DPP10: variants seen among roughly 807,000 people sequenced by gnomAD.
DPP10 encodes inactive dipeptidyl peptidase 10.
In DPP10, 33 loss-of-function variants were observed where a neutral mutation model predicts 120.9. The ratio of observed to expected loss-of-function variants is 0.27; its 90% CI spans 0.21 to 0.37. The LOEUF is 0.37. DPP10 is among the 10% of genes least tolerant of loss of function. DPP10 has a pLI of 1.00. For synonymous variants in DPP10, 337 were observed against 326.1 expected (o/e 1.03, Z -0.36); for missense variants, 816 against 942.8 (o/e 0.87, Z 1.76).
rs564099284 is a variant in DPP10 at position 115,555,892 on chromosome 2, G to A, written c.441+29920G>A. 2.6e-5 allele frequency among the ~76,000 whole-genome samples: 4 copies of A among 152,100 alleles called. No homozygotes were observed. In the South Asian group the frequency reaches 8.3e-4, roughly 32 times the overall value. ...TTTGTCATGTATGTGTGGTGGAGGAGGTGCATAGAGGATATTTCTCTGTAA... is the reference window on the plus strand; with the variant it reads ...TTTGTCATGTATGTGTGGTGGAGGAAGTGCATAGAGGATATTTCTCTGTAA... On this transcript the variant is annotated intron_variant, in intron 5 of 25. Coordinates refer to ENST00000410059, the MANE Select transcript of DPP10 (RefSeq NM_020868.6).
intron 1 of DPP10, among the ~76,000 whole-genome samples, chr2:115,188,061 A>AAGAGAGAGAG (rs59672278): frequency 1.4e-5 from 2 of 146,980 alleles, no homozygotes; most frequent in Admixed American, 6.8e-5. Context: ...GAGAGAGGCA[A>AAGAGAGAGAG]AGAGAGAGAG....
intron 2 of DPP10, among the ~76,000 whole-genome samples, chr2:115,322,738 A>G (rs570598271): frequency 6.6e-6 from 1 of 152,336 alleles, no homozygotes; most frequent in African/African-American, 2.4e-5. Context: ...AACTATTCCA[A>G]TAAAGCAAAT....
intron 1 of DPP10, among the ~76,000 whole-genome samples, chr2:115,131,466 T>C (rs940998667): frequency 3.9e-5 from 6 of 152,082 alleles, no homozygotes; most frequent in Non-Finnish European, 7.4e-5. Flanking sequence ...TGAGCCCTGA[T>C]TGAGCCACTG....
At chr2:115,294,831 T>C (rs2060812795) in intron 1 of DPP10, among the ~76,000 whole-genome samples, 1 of 152,016 alleles carries the variant, frequency 6.6e-6, no homozygotes, top group Admixed American at 6.6e-5. Context: ...GCAATGATTT[T>C]ACAGGAGGGA....
intron 3 of DPP10, among the ~76,000 whole-genome samples, chr2:115,381,842 G>T (rs1165824835): frequency 6.6e-6 from 1 of 151,704 alleles, no homozygotes. Context: ...CCTGCTGGGG[G>T]GTGCCTCCCA....
intron 5 of DPP10, among the ~76,000 whole-genome samples, chr2:115,627,666 T>C (rs4302223): frequency 0.99 from 150,286 of 152,192 alleles, 74,235 homozygotes; most frequent in East Asian, 1. Flanking sequence ...GCTGTTTGTC[T>C]TAATGCTCTC....
At chr2:114,851,591 T>C (rs1688948491) in intron 1 of DPP10, among the ~76,000 whole-genome samples, 1 of 152,220 alleles carries the variant, frequency 6.6e-6, no homozygotes, top group Non-Finnish European at 1.5e-5. Flanking sequence ...TCTCAGTTTA[T>C]TGGCATAGAA....
chr2:115,079,098 C>T (rs1573529075), intron 1 of DPP10, among the ~76,000 whole-genome samples: 1 of 152,148 alleles, frequency 6.6e-6, no homozygotes, highest in African/African-American at 2.4e-5. Context: ...AAGAAATCCT[C>T]GGCCGGGCGC....
chr2:115,720,636 T>C (rs2092624994), intron 7 of DPP10, among the ~76,000 whole-genome samples: 1 of 152,114 alleles, frequency 6.6e-6, no homozygotes, highest in African/African-American at 2.4e-5. Flanking sequence ...AAATAAAATA[T>C]AGCATGTTGG....
chr2:115,437,329 G>C (rs1469082340), intron 3 of DPP10, among the ~76,000 whole-genome samples: 1 of 151,938 alleles, frequency 6.6e-6, no homozygotes, highest in Non-Finnish European at 1.5e-5. Flanking sequence ...TTCAGCATTA[G>C]AGAAGAAATA....
intron 1 of DPP10, among the ~76,000 whole-genome samples, chr2:115,218,139 G>A (rs2056939363): frequency 6.6e-6 from 1 of 152,138 alleles, no homozygotes; most frequent in Non-Finnish European, 1.5e-5. Context: ...TATATAGACT[G>A]TACATTCTCA....
intron 21 of DPP10, among the ~76,000 whole-genome samples, chr2:115,830,051 G>T (rs1347438941): frequency 6.6e-6 from 1 of 151,996 alleles, no homozygotes; most frequent in Non-Finnish European, 1.5e-5. Context: ...TATGGACATA[G>T]CTTCTTTAAA....
chr2:114,549,283 C>T (rs1412219926), intron 1 of DPP10, among the ~76,000 whole-genome samples: 1 of 151,998 alleles, frequency 6.6e-6, no homozygotes, highest in Non-Finnish European at 1.5e-5. Flanking sequence ...ATTCACCACT[C>T]TCAACCCCGT....
chr2:115,273,701 A>T (rs2059796496), intron 1 of DPP10, among the ~76,000 whole-genome samples: 1 of 152,116 alleles, frequency 6.6e-6, no homozygotes, highest in Admixed American at 6.5e-5. Context: ...TTTGACCTAA[A>T]ATGTGATATT....
At chr2:114,599,322 A>G (rs1176764571) in intron 1 of DPP10, among the ~76,000 whole-genome samples, 1 of 151,848 alleles carries the variant, frequency 6.6e-6, no homozygotes, top group Admixed American at 6.6e-5. Context: ...TTAATTCACA[A>G]CCTTTGAGGC....
chr2:115,630,316 TG>T (rs1437631714), intron 5 of DPP10, among the ~76,000 whole-genome samples: 6 of 152,130 alleles, frequency 3.9e-5, no homozygotes, highest in Non-Finnish European at 7.4e-5. Flanking sequence ...CTGAGACAGT[TG>T]GGGTTTTCTA....
rs1473867196 is a variant in DPP10, at chr2:115,499,513, C to T, written c.275C>T (p.Thr92Ile). 6.2e-7 allele frequency: 1 copy of T among 1,609,374 alleles called. No individual in the cohort carries two copies. The highest frequency in any genetic ancestry group is 1.1e-5 in the South Asian group (1 of 90,664). Reference protein sequence around the residue: ...HDPEARWINDTDVVYKSENGH... With the variant: ...HDPEARWINDIDVVYKSENGH... ...GTGAATGTCTTTGTTGTTGCAGATA[C>T]AGATGTGGTGTATAAAAGCGAGAAT... Residue 92 changes from threonine to isoleucine, a missense_variant, in exon 4 of 26, where the codon ACA (threonine) becomes ATA (isoleucine). Coordinates refer to ENST00000410059, the MANE Select transcript of DPP10 (RefSeq NM_020868.6).
At chr2:114,837,957 C>G (rs1240316192) in intron 1 of DPP10, among the ~76,000 whole-genome samples, 1 of 152,170 alleles carries the variant, frequency 6.6e-6, no homozygotes, top group East Asian at 1.9e-4. Context: ...AAAATAAATG[C>G]TAAAATTTCA....
At chr2:114,602,863 G>A (rs1390255601) in intron 1 of DPP10, among the ~76,000 whole-genome samples, 2 of 152,186 alleles carry the variant, frequency 1.3e-5, no homozygotes, top group Non-Finnish European at 1.5e-5. Flanking sequence ...AAGCAGACTT[G>A]TGTGGCACTT....
Sources: allele counts gnomAD v4.1 joint callset (sites outside exome capture counted in the v4.1 genomes callset), GRCh38; gene constraint gnomAD v4.1.1; transcripts MANE v1.5; gene names NCBI Gene and HGNC (gene_info 2026-07-23, HGNC 2026-07-21).